Variants in PRTG observed in about 807,000 individuals in gnomAD.
The protein encoded by PRTG is protogenin.
In PRTG, 67 loss-of-function variants were observed where a neutral mutation model predicts 122.5. The ratio of observed to expected loss-of-function variants is 0.55; its 90% confidence interval spans 0.45 to 0.67. PRTG has a LOEUF of 0.67. Among genes scored for constraint, PRTG ranks in the 30% least tolerant of loss-of-function variants. The pLI is 0.00. For synonymous variants in PRTG, 554 were observed against 501.1 expected, an observed-to-expected ratio of 1.11 and a Z score of -1.41; for missense variants, 1,435 against 1,415.4, an observed-to-expected ratio of 1.01 and a Z score of -0.22.
chr15:55,627,494 T>TG (rs1159995336), intron 16 of PRTG, among the ~76,000 whole-genome samples: 1 of 25,836 alleles, frequency 3.9e-5, no homozygotes, highest in Admixed American at 3.5e-4. Flanking sequence ...CCAGCTAAGT[T>TG]TTTTTTTTTT....
At chr15:55,741,878 C>CT (rs1184901611) in intron 1 of PRTG, among the ~76,000 whole-genome samples, 2 of 152,212 alleles carry the variant, frequency 1.3e-5, no homozygotes, top group Non-Finnish European at 2.9e-5. Context: ...GACTTTGATC[C>CT]TTTTTTCAAG....
chr15:55,612,890 G>C lies in PRTG; in HGVS notation c.*7122C>G, dbSNP rs2059127028. The C allele has an allele frequency of 6.6e-6, 1 of 151,312 alleles. No homozygotes were observed. The highest frequency in any genetic ancestry group is 2.1e-4 in the South Asian group (1 of 4,790). 9.4% of individuals were successfully genotyped at this position (151,312 alleles called of 1,614,324 possible). On this transcript the variant is annotated 3_prime_UTR_variant, in exon 20 of 20. Transcript: ENST00000389286. ...CTTTTACCAACCACTTTCTTCTATTGGTTTTGTGTATGCGTACGGGAGATG... is the reference window on the plus strand; with the variant it reads ...CTTTTACCAACCACTTTCTTCTATTCGTTTTGTGTATGCGTACGGGAGATG...
At chr15:55,702,269 C>T (rs2029921429) in intron 2 of PRTG, among the ~76,000 whole-genome samples, 2 of 152,142 alleles carry the variant, frequency 1.3e-5, no homozygotes, top group South Asian at 4.1e-4. Context: ...TCCTGATTTT[C>T]CCAAGTAGAA....
chr15:55,702,465 C>A (rs188743755), intron 2 of PRTG, among the ~76,000 whole-genome samples: 2 of 152,242 alleles, frequency 1.3e-5, no homozygotes, highest in East Asian at 3.9e-4. Context: ...AAAATTTGTC[C>A]TAGAGTATGT....
chr15:55,682,975 T>C (rs2059549305), intron 3 of PRTG, among the ~76,000 whole-genome samples: 1 of 152,190 alleles, frequency 6.6e-6, no homozygotes. Context: ...ATTCTATTGT[T>C]TTCATTTGGG....
intron 2 of PRTG, chr15:55,702,795 C>T (rs1218704955): frequency 3.1e-5 from 12 of 386,980 alleles, no homozygotes; most frequent in Non-Finnish European, 3.9e-5. Context: ...ATTACACACA[C>T]ATGTGCAAAC....
chr15:55,636,978 C>A (rs774379514), intron 15 of PRTG, among the ~76,000 whole-genome samples, 192 bp downstream of exon 15: 1 of 152,162 alleles, frequency 6.6e-6, no homozygotes, highest in African/African-American at 2.4e-5. Context: ...GTAACAGTAA[C>A]CTTTTTGAAA....
In PRTG at chr15:55,673,533, T is replaced by C. The variant is rs369543420; in HGVS notation, c.1690A>G (p.Ile564Val). Reference protein sequence around the residue: ...LSFRLSTENSIQVLELPGTTH... With the variant: ...LSFRLSTENSVQVLELPGTTH... The stretch of plus-strand genomic sequence containing the variant: ...GTCCCCGGGAGCTCCAGAACTTGGA[T>C]TGAATTCTCAGTACTTAGGCGGAAA... The change falls in exon 10 of 20, where the codon ATC becomes GTC. Residue 564 changes from isoleucine to valine, a missense_variant. By Grantham distance (29) the Ile-to-Val change is conservative. Coordinates refer to ENST00000389286, the MANE Select transcript of PRTG (RefSeq NM_173814.6). The C allele has an allele frequency of 9.3e-6, 15 of 1,614,150 alleles. No individual in the cohort carries two copies. Among genetic ancestry groups the C allele is most frequent in the South Asian group, 2.2e-5 (2 of 91,082 alleles).
chr15:55,729,632 T>C (rs1206809033), intron 2 of PRTG, among the ~76,000 whole-genome samples: 1 of 151,966 alleles, frequency 6.6e-6, no homozygotes, highest in Non-Finnish European at 1.5e-5. Flanking sequence ...TATATATGTA[T>C]ATCTAAAAGG....
intron 2 of PRTG, among the ~76,000 whole-genome samples, chr15:55,734,206 G>A (rs565106784): frequency 6.6e-6 from 1 of 152,156 alleles, no homozygotes; most frequent in Non-Finnish European, 1.5e-5. Flanking sequence ...ACCACAGGCA[G>A]AAATATCCTT....
chr15:55,738,221 C>A, intron 2 of PRTG: 1 of 330,424 alleles, frequency 3.0e-6, no homozygotes, highest in Non-Finnish European at 5.4e-6. Context: ...CAAAATCATT[C>A]ACATGTAATT....
At chr15:55,633,158 T>G (rs770956214) in intron 15 of PRTG, among the ~76,000 whole-genome samples, 3 of 152,184 alleles carry the variant, frequency 2.0e-5, no homozygotes, top group Non-Finnish European at 2.9e-5. Flanking sequence ...CAGAACATAA[T>G]TTCCTCCAGT....
chr15:55,730,187 C>T (rs191262057), intron 2 of PRTG, among the ~76,000 whole-genome samples: 18 of 152,174 alleles, frequency 1.2e-4, no homozygotes, highest in Non-Finnish European at 1.9e-4. Flanking sequence ...CTGCAGCCTC[C>T]GCCTCCCAGG....
Position 55,618,891 on chromosome 15 carries a change from C to A in PRTG, c.*1121G>T, listed in dbSNP as rs527242967. The A allele has an allele frequency of 6.6e-6, 1 of 152,196 alleles. No individual in the cohort carries two copies. Among genetic ancestry groups the A allele is most frequent in the South Asian group, 2.1e-4 (1 of 4,828 alleles). 9.4% of individuals were successfully genotyped at this position (152,196 alleles called of 1,614,324 possible). On this transcript the variant is annotated 3_prime_UTR_variant, in exon 20 of 20. Transcript: ENST00000389286. ...TTCATTATACTGAAAGGCACTGTTACCATAATAACTTCGAGTTCATTTTAC... is the reference window on the plus strand; with the variant it reads ...TTCATTATACTGAAAGGCACTGTTAACATAATAACTTCGAGTTCATTTTAC...
chr15:55,626,913 A>C (rs2059198003), intron 17 of PRTG, 95 bp downstream of exon 17: 1 of 1,108,316 alleles, frequency 9.0e-7, no homozygotes, highest in African/African-American at 1.6e-5. Flanking sequence ...AGGAAATCCC[A>C]GTTACTCTAA....
chr15:55,667,944 C>T (rs543994844), intron 11 of PRTG, among the ~76,000 whole-genome samples: 8 of 152,058 alleles, frequency 5.3e-5, no homozygotes, highest in Admixed American at 1.3e-4. Context: ...AAAATTAGCC[C>T]GGCGTGGTGG....
At chr15:55,699,059 G>A (rs2059647844) in intron 2 of PRTG, among the ~76,000 whole-genome samples, 1 of 152,162 alleles carries the variant, frequency 6.6e-6, no homozygotes, top group Admixed American at 6.5e-5. Context: ...TCACAGTTCA[G>A]TGTACCCCAA....
intron 2 of PRTG, among the ~76,000 whole-genome samples, chr15:55,734,426 A>C (rs1473420674): frequency 1.3e-5 from 2 of 152,164 alleles, no homozygotes; most frequent in African/African-American, 4.8e-5. Flanking sequence ...CTAGGGATTT[A>C]ATATTGCTTC....
At position 55,672,537 on chromosome 15, in the gene PRTG, C is replaced by A; in HGVS notation, c.1949G>T (p.Gly650Val). The stretch of plus-strand genomic sequence containing the variant: ...TTCTTCCTTGTAGTACAGCTTGTAG[C>A]CCTGAATAGCAGCTGTGTCCTCTAC... The part of the protein sequence containing the change: ...QDVEDTAAIQ[G>V]YKLYYKEEGQ... The change falls in exon 11 of 20, where the codon GGC becomes GTC. Residue 650 changes from glycine to valine, a missense_variant. By Grantham distance (109) the Gly-to-Val change is moderately radical. Transcript: ENST00000389286. 1 of 1,614,010 alleles carries A rather than the reference C, an allele frequency of 6.2e-7. No homozygotes were observed. Among genetic ancestry groups the A allele is most frequent in the Non-Finnish European group, 8.5e-7 (1 of 1,179,934 alleles).
Sources: gnomAD v4.1 joint callset for allele counts (sites outside exome capture counted in the v4.1 genomes callset) on GRCh38, gnomAD v4.1.1 for gene constraint, MANE v1.5 for transcripts, NCBI Gene and HGNC (gene_info 2026-07-23, HGNC 2026-07-21) for gene names.